NDC80: variants seen among roughly 807,000 people sequenced by gnomAD.
NDC80 encodes NDC80 kinetochore complex component.
In NDC80, 69 loss-of-function variants were observed where a neutral mutation model predicts 89.3. That is an observed-to-expected ratio of 0.77 (90% CI 0.64 to 0.94). NDC80 has a LOEUF of 0.94. Among genes scored for constraint, NDC80 ranks in the 40% least tolerant of loss-of-function variants. The pLI, the probability that NDC80 is intolerant of heterozygous loss-of-function variation, is 0.00. For missense variants in NDC80, 593 were observed against 739.6 expected (o/e 0.80, Z 2.30); for synonymous variants, 243 against 255.6 (o/e 0.95, Z 0.47).
chr18:2,580,760 T>TTTTTA (rs2072573486), intron 6 of NDC80, among the ~76,000 whole-genome samples: 3 of 128,432 alleles, frequency 2.3e-5, no homozygotes, highest in Non-Finnish European at 4.8e-5. Context: ...TTTTTTTTTT[T>TTTTTA]GAGACGAGTC....
intron 1 of NDC80, 99 bp from the exon 2 acceptor site, chr18:2,572,878 A>G (rs762636692): frequency 2.1e-5 from 18 of 838,512 alleles, no homozygotes; most frequent in Non-Finnish European, 3.3e-5. Context: ...TTGAAGAAAC[A>G]ATGAAACCTG....
chr18:2,600,179 A>G (rs1022637694), intron 12 of NDC80, among the ~76,000 whole-genome samples: 41 of 152,380 alleles, frequency 2.7e-4, no homozygotes, highest in African/African-American at 8.9e-4. Flanking sequence ...CACAATGCAA[A>G]AAGAAGAATG....
In NDC80 at chr18:2,589,829, G is replaced by GT. The variant is rs55792141; in HGVS notation, c.871-176dup. Among the ~76,000 whole-genome samples the GT allele has an allele frequency of 3.3e-3, 437 of 130,678 alleles. 14 individuals are homozygous for GT. The highest frequency in any genetic ancestry group is 3.9e-3 in the East Asian group (19 of 4,898). The allele number at this position is 130,678 out of a possible 152,430, so 85.7% of individuals were successfully genotyped here. On this transcript the variant is annotated intron_variant, in intron 9 of 16. Transcript: ENST00000261597. Reference sequence around the variant, plus strand: ...TGCTTTTTCAACCCTAGCAATTGTGGTTTTTTTTTTTTTCTATTTCAAACT... The same window carrying GT: ...TGCTTTTTCAACCCTAGCAATTGTGGTTTTTTTTTTTTTTCTATTTCAAACT...
At chr18:2,607,814 G>C (rs1166157343) in intron 14 of NDC80, among the ~76,000 whole-genome samples, 1 of 149,442 alleles carries the variant, frequency 6.7e-6, no homozygotes, top group East Asian at 1.9e-4. Context: ...GTGTCTTCCA[G>C]ATATACAAAC....
chr18:2,595,784 A>G (rs2072651799), intron 11 of NDC80, among the ~76,000 whole-genome samples, 163 bp downstream of exon 11: 1 of 152,220 alleles, frequency 6.6e-6, no homozygotes, highest in Non-Finnish European at 1.5e-5. Context: ...CAATTCAGTA[A>G]CATCCCAATT....
At chr18:2,587,041 A>T (rs143030104) in intron 7 of NDC80, among the ~76,000 whole-genome samples, 3 of 152,318 alleles carry the variant, frequency 2.0e-5, no homozygotes, top group Non-Finnish European at 4.4e-5. Context: ...AAAATGTATT[A>T]ATTTACCATC....
intron 12 of NDC80, among the ~76,000 whole-genome samples, chr18:2,599,575 AG>A (rs1403252608): frequency 2.0e-5 from 3 of 152,204 alleles, no homozygotes; most frequent in Non-Finnish European, 4.4e-5. Context: ...ATATATGGGA[AG>A]GGTCTGTAGA....
At position 2,603,356 on chromosome 18, in the gene NDC80, C is replaced by CATATATATATATAT. The variant is rs60997707; in HGVS notation, c.1464+1881_1464+1894dup. On this transcript the variant is annotated intron_variant, in intron 13 of 16. Coordinates refer to ENST00000261597, the MANE Select transcript of NDC80 (RefSeq NM_006101.3). The stretch of plus-strand genomic sequence containing the variant: ...AACAACAGAAGAGAATATGTTTATA[C>CATATATATATATAT]ATATATATATATATATATATATACA... Among the ~76,000 whole-genome samples, 763 of 120,726 alleles carry CATATATATATATAT rather than the reference C, an allele frequency of 6.3e-3. 23 individuals carry two copies. Among genetic ancestry groups the CATATATATATATAT allele is most frequent in the African/African-American group, 0.019 (582 of 30,622 alleles). The allele number at this position is 120,726 out of a possible 152,430, so 79.2% of individuals were successfully genotyped here.
chr18:2,597,887 G>A (rs968114637), intron 11 of NDC80, among the ~76,000 whole-genome samples: 3 of 152,188 alleles, frequency 2.0e-5, no homozygotes, highest in Admixed American at 6.5e-5. Context: ...CTCAGGGAGA[G>A]AAGAGAAGGA....
In NDC80 at chr18:2,610,738, A is replaced by G. The variant is rs750529666; in HGVS notation, c.1689-21A>G. 1.8e-5 allele frequency: 27 copies of G among 1,523,222 alleles called. No individual in the cohort carries two copies. In the Admixed American group the frequency reaches 5.1e-4, roughly 29 times the overall value. The allele number at this position is 1,523,222 out of a possible 1,614,324, so 94.4% of individuals were successfully genotyped here. A position where few individuals can be genotyped will look rare whatever the true frequency, so the allele number is the denominator to read the frequency against. ...TTAATTTTTTTCCTGGACAACTTAA[A>G]CAAGAGTTTTTGTTCTACAGATACC... is the stretch of plus-strand genomic sequence containing the variant. On this transcript the variant is annotated intron_variant, in intron 15 of 16. Coordinates refer to ENST00000261597, the MANE Select transcript of NDC80 (RefSeq NM_006101.3).
intron 2 of NDC80, among the ~76,000 whole-genome samples, chr18:2,574,552 A>C (rs1169942302): frequency 6.6e-6 from 1 of 152,154 alleles, no homozygotes; most frequent in Non-Finnish European, 1.5e-5. Flanking sequence ...TAATAATGAT[A>C]TTTAGGCCTG....
At chr18:2,595,780 A>T (rs553512209) in intron 11 of NDC80, among the ~76,000 whole-genome samples, 159 bp downstream of exon 11, 1 of 152,250 alleles carries the variant, frequency 6.6e-6, no homozygotes, top group East Asian at 1.9e-4. Flanking sequence ...ATGTCAATTC[A>T]GTAACATCCC....
rs562347380 is a variant in NDC80, at chr18:2,590,278, G to A, written c.1015+116G>A. ...GTTCTGTGGTACATGCTTAGAGCAG[G>A]CTACCAAGTTTTCAGTGTGTTTCGT... On this transcript the variant is annotated intron_variant, in intron 10 of 16. Coordinates refer to ENST00000261597, the MANE Select transcript of NDC80 (RefSeq NM_006101.3). 1.7e-4 allele frequency: 182 copies of A among 1,073,830 alleles called. No individual in the cohort carries two copies. The African/African-American group carries it at 2.4e-3, about 14-fold the overall frequency. 66.5% of individuals were successfully genotyped at this position (1,073,830 alleles called of 1,614,324 possible).
chr18:2,589,371 A>C lies in NDC80; in HGVS notation c.870+61A>C, dbSNP rs546688135. The C allele has an allele frequency of 4.3e-4, 488 of 1,129,080 alleles. 10 individuals are homozygous for C. The South Asian group carries it at 6.4e-3, about 15-fold the overall frequency. The allele number at this position is 1,129,080 out of a possible 1,614,324, so 69.9% of individuals were successfully genotyped here. ...CTTTTAGACTTTTGGGTGTCCTTGG[A>C]TATTAGCTGTCTTTATCAAAATTTT... On this transcript the variant is annotated intron_variant, in intron 9 of 16. Coordinates refer to ENST00000261597, the MANE Select transcript of NDC80 (RefSeq NM_006101.3).
At chr18:2,589,420 C>G (rs532367465) in intron 9 of NDC80, 110 bp downstream of exon 9, 4 of 759,162 alleles carry the variant, frequency 5.3e-6, no homozygotes, top group African/African-American at 3.5e-5. Flanking sequence ...ACAAATTAAG[C>G]TTCTTAAAAG....
At chr18:2,610,511 G>A (rs1299966794) in intron 15 of NDC80, among the ~76,000 whole-genome samples, 10 of 152,032 alleles carry the variant, frequency 6.6e-5, no homozygotes, top group African/African-American at 1.7e-4. Flanking sequence ...ACAACCCTTC[G>A]CTCCAAAGCT....
At chr18:2,574,508 T>C (rs983784771) in intron 2 of NDC80, among the ~76,000 whole-genome samples, 2 of 152,206 alleles carry the variant, frequency 1.3e-5, no homozygotes, top group African/African-American at 4.8e-5. Flanking sequence ...TTTTTAATTT[T>C]TTCTGTTAAT....
At chr18:2,604,515 C>T (rs1216123235) in intron 13 of NDC80, among the ~76,000 whole-genome samples, 1 of 152,128 alleles carries the variant, frequency 6.6e-6, no homozygotes, top group Non-Finnish European at 1.5e-5. Context: ...AACCCAGCCA[C>T]TACCAAAAAT....
chr18:2,603,351 TTATACATA>T (rs1034581980), intron 13 of NDC80, among the ~76,000 whole-genome samples: 3 of 80,916 alleles, frequency 3.7e-5, no homozygotes, highest in African/African-American at 1.5e-4. Flanking sequence ...GAGAATATGT[TTATACATA>T]TATATATATA....
Sources: gnomAD v4.1 joint callset for allele counts (sites outside exome capture counted in the v4.1 genomes callset) on GRCh38, gnomAD v4.1.1 for gene constraint, MANE v1.5 for transcripts, NCBI Gene and HGNC (gene_info 2026-07-23, HGNC 2026-07-21) for gene names.